The following C7 variants were observed in gnomAD, a reference collection of about 807,000 sequenced individuals.
C7 encodes the protein complement C7.
C7 carries 83 observed loss-of-function variants against 104.8 expected under a neutral mutation model. That is an observed-to-expected ratio of 0.79 (90% CI 0.66 to 0.95). The LOEUF is 0.95. Among genes scored for constraint, C7 ranks in the 40% least tolerant of loss-of-function variants. C7 has a pLI of 0.00. For missense variants in C7, 1,070 were observed against 1,011.2 expected (o/e 1.06, Z -0.79); for synonymous variants, 415 against 360.6 (o/e 1.15, Z -1.71).
rs182653194 is a variant in C7 at position 40,934,329 on chromosome 5, G to A, written c.143G>A (p.Arg48His). Residue 48 changes from arginine (R) to histidine (H), a missense_variant, in exon 4 of 18, where the codon CGC becomes CAC. Coordinates refer to ENST00000313164, the MANE Select transcript of C7 (RefSeq NM_000587.4). ...ECNGCTKTQT[R>H]RRSVAVYGQY... The stretch of plus-strand genomic sequence containing the variant: ...CACTGCCTGCTTTGTGTTTAGACTC[G>A]CAGGCGGTCAGTTGCTGTGTATGGG... 2.1e-5 allele frequency: 34 copies of A among 1,591,086 alleles called. No homozygotes were observed. The highest frequency in any genetic ancestry group is 2.0e-4 in the African/African-American group (15 of 74,492).
intron 14 of C7, chr5:40,972,161 T>G: frequency 1.1e-5 from 6 of 549,838 alleles, no homozygotes; most frequent in East Asian, 3.5e-5. Flanking sequence ...AGTTGTCACA[T>G]TGTTTTGAGG....
chr5:40,938,175 T>C (rs1739856538), intron 6 of C7, among the ~76,000 whole-genome samples: 1 of 152,196 alleles, frequency 6.6e-6, no homozygotes, highest in Admixed American at 6.5e-5. Context: ...ATATTGCCAG[T>C]GACTTAAAGG....
intron 6 of C7, among the ~76,000 whole-genome samples, chr5:40,942,851 G>A (rs543210499): frequency 1.3e-5 from 2 of 150,722 alleles, no homozygotes; most frequent in East Asian, 2.0e-4. Context: ...TGCAACCTCC[G>A]CCTCCTGGGT....
At chr5:40,942,921 T>C (rs1369760063) in intron 6 of C7, among the ~76,000 whole-genome samples, 1 of 152,020 alleles carries the variant, frequency 6.6e-6, no homozygotes, top group East Asian at 1.9e-4. Flanking sequence ...CGCACCACCA[T>C]GCCCAGCTAA....
At chr5:40,933,264 A>G (rs1459189043) in intron 3 of C7, among the ~76,000 whole-genome samples, 3 of 152,090 alleles carry the variant, frequency 2.0e-5, no homozygotes, top group Admixed American at 6.6e-5. Flanking sequence ...CCAATTTAGG[A>G]TGGATGAATA....
chr5:40,937,277 G>A lies in C7; in HGVS notation c.429-275G>A, dbSNP rs533771594. The A allele has an allele frequency of 3.1e-5, 7 of 222,658 alleles. No individual in the cohort carries two copies. The South Asian group carries it at 9.4e-4, about 30-fold the overall frequency. The allele number at this position is 222,658 out of a possible 1,614,324, so 13.8% of individuals were successfully genotyped here. The stretch of plus-strand genomic sequence containing the variant: ...CAGCTGTTGCCATAGATACGAAAGA[G>A]CCATGTGTTTCCCAAATATGTTCTT... On this transcript the variant is annotated intron_variant, in intron 5 of 17. Coordinates refer to ENST00000313164, the MANE Select transcript of C7 (RefSeq NM_000587.4).
intron 4 of C7, 47 bp from the exon 5 acceptor site, chr5:40,936,291 T>A (rs1739812540): frequency 6.2e-7 from 1 of 1,601,452 alleles, no homozygotes; most frequent in Admixed American, 1.7e-5. Flanking sequence ...GTAGTGTTTC[T>A]CCTCTTCCCT....
At position 40,962,154 on chromosome 5, in the gene C7, G is replaced by A; in HGVS notation, c.1731G>A (p.Leu577=). Residue 577 remains leucine, a synonymous_variant, in exon 13 of 18, where the codon TTG becomes TTA. Coordinates refer to ENST00000313164, the MANE Select transcript of C7 (RefSeq NM_000587.4). ...PTEFCPSPPA[L]KDGFVQDEGT... is the part of the protein sequence containing the mutation. ...AATTCTGTCCATCACCTCCTGCCTTGAAAGATGGATTTGTTCAAGTTGGTT... is the reference window on the plus strand; with the variant it reads ...AATTCTGTCCATCACCTCCTGCCTTAAAAGATGGATTTGTTCAAGTTGGTT... 1 of 1,561,618 alleles carries A rather than the reference G, an allele frequency of 6.4e-7. No homozygotes were observed. Among genetic ancestry groups the A allele is most frequent in the Non-Finnish European group, 8.7e-7 (1 of 1,148,204 alleles).
chr5:40,909,912 A>C lies in C7; in HGVS notation c.6+296A>C, dbSNP rs547081851. ...AGACAATGTTTATGAAAGTCCCGATAAAGTCATAAAGAAATACAATAGTAC... is the reference window on the plus strand; with the variant it reads ...AGACAATGTTTATGAAAGTCCCGATCAAGTCATAAAGAAATACAATAGTAC... On this transcript the variant is annotated intron_variant, in intron 1 of 17. Coordinates refer to ENST00000313164, the MANE Select transcript of C7 (RefSeq NM_000587.4). Among the ~76,000 whole-genome samples the C allele has an allele frequency of 4.1e-4, 59 of 144,574 alleles. 2 individuals carry two copies. In the South Asian group the frequency reaches 0.013, roughly 32 times the overall value. The allele number at this position is 144,574 out of a possible 152,430, so 94.8% of individuals were successfully genotyped here. A position where few individuals can be genotyped will look rare whatever the true frequency, so the allele number is the denominator to read the frequency against.
chr5:40,920,717 AG>A (rs1739420864), intron 1 of C7, among the ~76,000 whole-genome samples: 1 of 152,280 alleles, frequency 6.6e-6, no homozygotes, highest in South Asian at 2.1e-4. Context: ...GAAGAGGTCA[AG>A]TTATTCTTGC....
intron 7 of C7, 36 bp from the exon 8 acceptor site, chr5:40,947,566 A>G: frequency 6.2e-7 from 1 of 1,608,648 alleles, no homozygotes; most frequent in Non-Finnish European, 8.5e-7. Flanking sequence ...TTTATCTTCC[A>G]CCTAAAACTC....
intron 4 of C7, 134 bp from the exon 5 acceptor site, chr5:40,936,204 C>G (rs781631026): frequency 1.0e-5 from 7 of 674,814 alleles, no homozygotes; most frequent in East Asian, 2.7e-5. Context: ...CCGAGACACT[C>G]TGAGGATTTA....
intron 1 of C7, among the ~76,000 whole-genome samples, chr5:40,920,910 G>A (rs1285883874): frequency 2.6e-5 from 4 of 152,238 alleles, no homozygotes; most frequent in South Asian, 2.1e-4. Context: ...TTCACTGGGC[G>A]TGGTGGTGCA....
intron 6 of C7, among the ~76,000 whole-genome samples, chr5:40,944,712 G>T (rs879013394): frequency 1.3e-5 from 2 of 152,128 alleles, no homozygotes; most frequent in Admixed American, 1.3e-4. Flanking sequence ...TGCAATTTTA[G>T]CATTTATCCA....
intron 13 of C7, among the ~76,000 whole-genome samples, chr5:40,962,432 CCAGAGGGCTACTGAA>C (rs1169866503): frequency 4.6e-5 from 7 of 152,128 alleles, no homozygotes; most frequent in Non-Finnish European, 2.9e-5. Flanking sequence ...TGTAATCATG[CCAGAGGGCTACTGAA>C]CACTGCCACC....
chr5:40,969,253 A>T (rs1233572371), intron 14 of C7, among the ~76,000 whole-genome samples: 1 of 120,396 alleles, frequency 8.3e-6, no homozygotes, highest in African/African-American at 3.7e-5. Context: ...AATTACTTCA[A>T]ACATTTATGT....
At chr5:40,919,524 A>T (rs1306791845) in intron 1 of C7, among the ~76,000 whole-genome samples, 1 of 152,112 alleles carries the variant, frequency 6.6e-6, no homozygotes, top group Non-Finnish European at 1.5e-5. Context: ...CTAATTGGAA[A>T]GCTGAGGTGG....
At chr5:40,967,967 T>A (rs1740594955) in intron 14 of C7, among the ~76,000 whole-genome samples, 2 of 152,162 alleles carry the variant, frequency 1.3e-5, no homozygotes, top group Non-Finnish European at 2.9e-5. Flanking sequence ...TTTTAGACCA[T>A]TTCTTGACCA....
intron 17 of C7, among the ~76,000 whole-genome samples, chr5:40,980,851 C>T (rs1277726657): frequency 1.3e-5 from 2 of 152,336 alleles, no homozygotes; most frequent in East Asian, 3.9e-4. Flanking sequence ...CCATTGTCTG[C>T]TGGCTGACCT....
Sources: gnomAD v4.1 joint callset for allele counts (sites outside exome capture counted in the v4.1 genomes callset) on GRCh38, gnomAD v4.1.1 for gene constraint, MANE v1.5 for transcripts, NCBI Gene and HGNC (gene_info 2026-07-23, HGNC 2026-07-21) for gene names.